Variants in AEBP2 observed in about 807,000 individuals in gnomAD.
The protein encoded by AEBP2 is zinc finger protein AEBP2.
A neutral mutation model predicts 50.8 loss-of-function variants in AEBP2; 10 were observed. That is an observed-to-expected ratio of 0.20 (90% confidence interval 0.12 to 0.33). The LOEUF (loss-of-function observed/expected upper bound fraction) is 0.33. Among genes scored for constraint, AEBP2 ranks in the 10% least tolerant of loss-of-function variants. The probability of loss-of-function intolerance (pLI) is 1.00; values close to 1 mark genes in which losing one functional copy is unlikely to be tolerated. For missense variants in AEBP2, 570 were observed against 688.0 expected, an observed-to-expected ratio of 0.83 and a Z score of 1.92; for synonymous variants, 296 against 261.3, an observed-to-expected ratio of 1.13 and a Z score of -1.28.
intron 3 of AEBP2, among the ~76,000 whole-genome samples, chr12:19,492,174 A>G (rs1197840748): frequency 6.6e-6 from 1 of 152,206 alleles, no homozygotes; most frequent in Non-Finnish European, 1.5e-5. Flanking sequence ...AACTAAGTAA[A>G]TTGGTTAAAT....
intron 3 of AEBP2, among the ~76,000 whole-genome samples, chr12:19,488,494 G>A (rs1481341251): frequency 6.6e-6 from 1 of 151,956 alleles, no homozygotes; most frequent in African/African-American, 2.4e-5. Context: ...AAAGAATCCG[G>A]GGTTGTTAAT....
At chr12:19,442,895 T>A (rs1026966901) in intron 1 of AEBP2, among the ~76,000 whole-genome samples, 1 of 152,220 alleles carries the variant, frequency 6.6e-6, no homozygotes, top group African/African-American at 2.4e-5. Flanking sequence ...TTTTATAGGT[T>A]GATTTCATGG....
chr12:19,516,817 A>C (rs1949326130), intron 7 of AEBP2, among the ~76,000 whole-genome samples: 1 of 152,166 alleles, frequency 6.6e-6, no homozygotes, highest in Non-Finnish European at 1.5e-5. Context: ...ACTTGAGGCC[A>C]GGAGTTTGAG....
chr12:19,410,048 A>G (rs959387255), intron 1 of AEBP2, among the ~76,000 whole-genome samples: 5 of 152,254 alleles, frequency 3.3e-5, no homozygotes, highest in Middle Eastern at 3.4e-3. Flanking sequence ...TAAAAGTGCA[A>G]AAATGGAGCA....
At chr12:19,432,008 G>T (rs1363361709) in intron 1 of AEBP2, among the ~76,000 whole-genome samples, 1 of 152,166 alleles carries the variant, frequency 6.6e-6, no homozygotes, top group Non-Finnish European at 1.5e-5. Flanking sequence ...AGCTGGGTCT[G>T]TTGCTGGGCT....
chr12:19,453,666 C>G (rs1357261120), intron 1 of AEBP2, among the ~76,000 whole-genome samples: 2 of 152,118 alleles, frequency 1.3e-5, no homozygotes, highest in African/African-American at 4.8e-5. Flanking sequence ...TCAGGTGATC[C>G]ACCCGCCTTG....
At chr12:19,414,726 C>T (rs1363003921) in intron 1 of AEBP2, among the ~76,000 whole-genome samples, 2 of 152,066 alleles carry the variant, frequency 1.3e-5, no homozygotes, top group Non-Finnish European at 2.9e-5. Context: ...AGTTCGAGAC[C>T]AACCTGGCCA....
intron 1 of AEBP2, among the ~76,000 whole-genome samples, chr12:19,429,830 T>TG (rs949968995): frequency 1.3e-5 from 2 of 152,316 alleles, no homozygotes; most frequent in African/African-American, 4.8e-5. Flanking sequence ...GGAGTTTTTT[T>TG]TTTTTCTTGT....
intron 1 of AEBP2, chr12:19,457,345 T>A: frequency 6.1e-6 from 9 of 1,469,950 alleles, no homozygotes; most frequent in Non-Finnish European, 8.4e-6. Flanking sequence ...TTTGATGAAG[T>A]CTCTGTGGTT....
rs112760359 is a variant in AEBP2, at chr12:19,480,002, C to G, written c.987+6647C>G. ...GGTGTTAGTATTGAGATATGAAGTA[C>G]TGTTGTATTCATCATGCTTGTTGTT... On this transcript the variant is annotated intron_variant, in intron 3 of 7. Coordinates refer to ENST00000266508, the MANE Select transcript of AEBP2 (RefSeq NM_153207.5). 2.9e-3 allele frequency among the ~76,000 whole-genome samples: 433 copies of G among 151,842 alleles called. 1 individual carries two copies. The highest frequency in any genetic ancestry group is 9.9e-3 in the African/African-American group (409 of 41,430).
intron 3 of AEBP2, among the ~76,000 whole-genome samples, chr12:19,486,738 A>C (rs1451300727): frequency 6.6e-6 from 1 of 152,012 alleles, no homozygotes; most frequent in Admixed American, 6.6e-5. Flanking sequence ...CATGTCCTCT[A>C]ATTACACACA....
At chr12:19,491,536 T>C (rs1948894976) in intron 3 of AEBP2, among the ~76,000 whole-genome samples, 1 of 152,178 alleles carries the variant, frequency 6.6e-6, no homozygotes, top group African/African-American at 2.4e-5. Flanking sequence ...ATACTGGACA[T>C]AGATAAGTAT....
At chr12:19,494,813 T>A (rs1299589318) in intron 4 of AEBP2, among the ~76,000 whole-genome samples, 1 of 152,160 alleles carries the variant, frequency 6.6e-6, no homozygotes, top group Non-Finnish European at 1.5e-5. Context: ...TGATAAGGCT[T>A]GTAAATGCTG....
intron 4 of AEBP2, 104 bp downstream of exon 4, chr12:19,494,090 G>C (rs1005877929): frequency 6.8e-5 from 86 of 1,267,066 alleles, no homozygotes; most frequent in Non-Finnish European, 8.4e-5. Context: ...TCTATTAAAA[G>C]TAACAAACAG....
intron 1 of AEBP2, among the ~76,000 whole-genome samples, chr12:19,451,424 C>T (rs759291789): frequency 9.2e-5 from 14 of 152,264 alleles, no homozygotes; most frequent in African/African-American, 2.9e-4. Context: ...ATGTTCTTCA[C>T]GGGATCTGTT....
At position 19,473,366 on chromosome 12, in the gene AEBP2, A is replaced by G. The variant is rs772744354; in HGVS notation, c.987+11A>G. 13 of 1,104,652 alleles carry G rather than the reference A, an allele frequency of 1.2e-5. No homozygotes were observed. The highest frequency in any genetic ancestry group is 8.7e-5 in the African/African-American group (5 of 57,344). 68.4% of individuals were successfully genotyped at this position (1,104,652 alleles called of 1,614,324 possible). Reference sequence around the variant, plus strand: ...GACAAACCTTTCAAGGTAAGGATGCATGTATATAAAATTTATTTATTTATT... The same window carrying G: ...GACAAACCTTTCAAGGTAAGGATGCGTGTATATAAAATTTATTTATTTATT... On this transcript the variant is annotated intron_variant, in intron 3 of 7. Transcript: ENST00000266508.
At chr12:19,404,526 A>G (rs889477280) in intron 1 of AEBP2, among the ~76,000 whole-genome samples, 1 of 152,168 alleles carries the variant, frequency 6.6e-6, no homozygotes, top group Non-Finnish European at 1.5e-5. Flanking sequence ...TGCTTCTCGG[A>G]AAAATGTTCA....
exon 1 of AEBP2, chr12:19,404,199 C>T (rs1338440196): frequency 6.6e-6 from 1 of 152,302 alleles, no homozygotes; most frequent in Non-Finnish European, 1.5e-5. Flanking sequence ...GGCCGACTTC[C>T]CAGCGGTCCT....
At chr12:19,502,991 G>A (rs1015304294) in intron 5 of AEBP2, among the ~76,000 whole-genome samples, 4 of 152,180 alleles carry the variant, frequency 2.6e-5, no homozygotes, top group Non-Finnish European at 5.9e-5. Flanking sequence ...TTTGGTTACT[G>A]TAGCCTTGTA....
Sources: allele counts gnomAD v4.1 joint callset (sites outside exome capture counted in the v4.1 genomes callset), GRCh38; gene constraint gnomAD v4.1.1; transcripts MANE v1.5; gene names NCBI Gene and HGNC (gene_info 2026-07-23, HGNC 2026-07-21).